Variants in TENM4 observed in about 807,000 individuals in gnomAD.
TENM4 encodes teneurin-4.
A neutral mutation model predicts 243.3 loss-of-function variants in TENM4; 82 were observed. That is an observed-to-expected ratio of 0.34 (90% CI 0.28 to 0.40). TENM4 has a LOEUF of 0.40. TENM4 is among the 10% of genes least tolerant of loss of function. The probability of loss-of-function intolerance (pLI) is 1.00; values close to 1 mark genes in which losing one functional copy is unlikely to be tolerated. For missense variants in TENM4, 3,138 were observed against 3,673.3 expected, an observed-to-expected ratio of 0.85 and a Z score of 3.77; for synonymous variants, 1,412 against 1,456.3, an observed-to-expected ratio of 0.97 and a Z score of 0.69.
chr11:78,991,873 C>T (rs1371150627), intron 6 of TENM4, among the ~76,000 whole-genome samples: 1 of 152,208 alleles, frequency 6.6e-6, no homozygotes, highest in Non-Finnish European at 1.5e-5. Flanking sequence ...TCACCCTGTG[C>T]TGCTGCTGGT....
intron 6 of TENM4, among the ~76,000 whole-genome samples, chr11:78,977,782 G>A (rs973910338): frequency 1.3e-5 from 2 of 152,174 alleles, no homozygotes; most frequent in African/African-American, 2.4e-5. Context: ...CAACGATTGT[G>A]GAAGACAGAA....
intron 1 of TENM4, among the ~76,000 whole-genome samples, chr11:79,304,041 T>C (rs116170464): frequency 0.022 from 3,406 of 152,222 alleles, 114 homozygotes; most frequent in African/African-American, 0.077. Flanking sequence ...CCCTGGGTAC[T>C]TTGGGAAAAG....
At position 78,849,824 on chromosome 11, in the gene TENM4, C is replaced by T. The variant is rs553523708; in HGVS notation, c.1681+4280G>A. 2.6e-5 allele frequency among the ~76,000 whole-genome samples: 4 copies of T among 152,290 alleles called. No individual in the cohort carries two copies. The East Asian group carries it at 7.7e-4, about 29-fold the overall frequency. On this transcript the variant is annotated intron_variant, in intron 12 of 33. Coordinates refer to ENST00000278550, the MANE Select transcript of TENM4 (RefSeq NM_001098816.3). ...ATCATCTCATGGAATTACTGCAAGT[C>T]TTAAAGAATGTATGTGAAAACCCTT...
chr11:78,830,450 C>G (rs563237059), intron 12 of TENM4, among the ~76,000 whole-genome samples: 1 of 152,292 alleles, frequency 6.6e-6, no homozygotes, highest in Admixed American at 6.5e-5. Context: ...GCTAGACTTG[C>G]TGGTCTCAAG....
In TENM4 at chr11:78,656,954, G is replaced by C. The variant is rs980147684; in HGVS notation, c.*1104C>G. On this transcript the variant is annotated 3_prime_UTR_variant, in exon 34 of 34. Coordinates refer to ENST00000278550, the MANE Select transcript of TENM4 (RefSeq NM_001098816.3). ...GTTAAGCATTTTTCCAGAATCAAAG[G>C]CCACCAAGCACCTCCCTCCACATTC... 1 of 398,410 alleles carries C rather than the reference G, an allele frequency of 2.5e-6. No homozygotes were observed. The highest frequency in any genetic ancestry group is 4.4e-6 in the Non-Finnish European group (1 of 226,072). 24.7% of individuals were successfully genotyped at this position (398,410 alleles called of 1,614,324 possible). A position where few individuals can be genotyped will look rare whatever the true frequency, so the allele number is the denominator to read the frequency against.
chr11:79,020,474 G>A (rs1858897784), intron 6 of TENM4, among the ~76,000 whole-genome samples: 1 of 152,080 alleles, frequency 6.6e-6, no homozygotes, highest in Non-Finnish European at 1.5e-5. Context: ...ATGTGTCATT[G>A]GAGCTGTATT....
In TENM4 at chr11:79,304,515, C is replaced by T. The variant is rs144572430; in HGVS notation, c.-320-6972G>A. ...GATTTTTCCCCCTGGACATCCACTG[C>T]TGATCAGGTCCTTGAAACATGCTCA... On this transcript the variant is annotated intron_variant, in intron 1 of 33. Transcript: ENST00000278550. Among the ~76,000 whole-genome samples, 1,416 of 152,292 alleles carry T rather than the reference C, an allele frequency of 9.3e-3. 17 individuals are homozygous for T. Among genetic ancestry groups the T allele is most frequent in the African/African-American group, 0.023 (972 of 41,544 alleles).
intron 2 of TENM4, among the ~76,000 whole-genome samples, chr11:79,259,146 T>C (rs1855749035): frequency 6.6e-6 from 1 of 152,158 alleles, no homozygotes; most frequent in South Asian, 2.1e-4. Context: ...AATGAGAATA[T>C]TGCTTGGCCA....
chr11:79,077,154 T>C (rs974502533), intron 4 of TENM4, among the ~76,000 whole-genome samples: 1 of 152,246 alleles, frequency 6.6e-6, no homozygotes, highest in Admixed American at 6.5e-5. Flanking sequence ...CTCCCCGAAC[T>C]CCCAGTTCCT....
rs752460571 is a variant in TENM4 at position 78,658,046 on chromosome 11, T to C, written c.*12A>G. 3.7e-6 allele frequency: 6 copies of C among 1,611,058 alleles called. No individual in the cohort carries two copies. The highest frequency in any genetic ancestry group is 5.1e-6 in the Non-Finnish European group (6 of 1,178,248). On this transcript the variant is annotated 3_prime_UTR_variant, in exon 34 of 34. Coordinates refer to ENST00000278550, the MANE Select transcript of TENM4 (RefSeq NM_001098816.3). ...GTAGCTGTCTTTGGCAAGAAGTCCT[T>C]GGTCCTCTCTGTCACCTCCGGCCCA...
chr11:78,830,491 G>C (rs1343179997), intron 12 of TENM4, among the ~76,000 whole-genome samples: 1 of 152,208 alleles, frequency 6.6e-6, no homozygotes, highest in Non-Finnish European at 1.5e-5. Context: ...AAAGCAGGAA[G>C]AACAGATCAG....
intron 2 of TENM4, among the ~76,000 whole-genome samples, chr11:79,252,384 A>G (rs1028133482): frequency 6.6e-6 from 1 of 152,102 alleles, no homozygotes; most frequent in Non-Finnish European, 1.5e-5. Context: ...ACAGGCGCTC[A>G]CCACCACACC....
rs114039468 is a variant in TENM4 at position 79,106,173 on chromosome 11, C to T, written c.-65-36164G>A. The stretch of plus-strand genomic sequence containing the variant: ...GAAAGTAACATTATTTGCTCCAAGT[C>T]ACAGAGTGAAGAAGTGGCAAAGGCA... On this transcript the variant is annotated intron_variant, in intron 4 of 33. Transcript: ENST00000278550. 6.8e-3 allele frequency among the ~76,000 whole-genome samples: 1,033 copies of T among 152,314 alleles called. 11 individuals are homozygous for T. The highest frequency in any genetic ancestry group is 0.022 in the African/African-American group (933 of 41,570).
At chr11:79,324,381 C>T (rs1856940015) in intron 1 of TENM4, among the ~76,000 whole-genome samples, 1 of 151,852 alleles carries the variant, frequency 6.6e-6, no homozygotes, top group African/African-American at 2.4e-5. Context: ...ACCACTATGC[C>T]CAGCTAATTA....
chr11:78,719,610 T>G (rs1426263002), intron 25 of TENM4, among the ~76,000 whole-genome samples: 1 of 152,236 alleles, frequency 6.6e-6, no homozygotes, highest in Non-Finnish European at 1.5e-5. Context: ...TCTGTGGCCA[T>G]GCAAGCTGCA....
At chr11:79,216,624 A>G (rs539719163) in intron 2 of TENM4, among the ~76,000 whole-genome samples, 1 of 152,150 alleles carries the variant, frequency 6.6e-6, no homozygotes, top group Non-Finnish European at 1.5e-5. Context: ...TGAGTGAGTT[A>G]TCTCAATCAT....
intron 6 of TENM4, among the ~76,000 whole-genome samples, chr11:78,986,156 G>A (rs1857913811): frequency 6.6e-6 from 1 of 152,158 alleles, no homozygotes; most frequent in Admixed American, 6.5e-5. Context: ...ATACAAATTT[G>A]CAGTTTCCAA....
At chr11:78,844,001 T>C (rs2136180468) in intron 12 of TENM4, among the ~76,000 whole-genome samples, 1 of 152,332 alleles carries the variant, frequency 6.6e-6, no homozygotes, top group Middle Eastern at 3.4e-3. Context: ...GTCTTCCATG[T>C]TCCCTGTCTT....
chr11:79,386,839 C>T (rs552814124), intron 1 of TENM4, among the ~76,000 whole-genome samples: 1 of 151,354 alleles, frequency 6.6e-6, no homozygotes, highest in South Asian at 2.1e-4. Flanking sequence ...TGGGTATTTG[C>T]TACAATCACT....
Sources: allele counts gnomAD v4.1 joint callset (sites outside exome capture counted in the v4.1 genomes callset), GRCh38; gene constraint gnomAD v4.1.1; transcripts MANE v1.5; gene names NCBI Gene and HGNC (gene_info 2026-07-23, HGNC 2026-07-21).